The following KCNQ1 variants were observed in gnomAD, a reference collection of about 807,000 sequenced individuals.
KCNQ1 encodes potassium voltage-gated channel subfamily KQT member 1.
KCNQ1 carries 49 observed loss-of-function variants against 72.4 expected under a neutral mutation model. The ratio of observed to expected loss-of-function variants is 0.68; its 90% CI spans 0.54 to 0.86. The LOEUF (loss-of-function observed/expected upper bound fraction) is 0.86, where lower values mean the gene tolerates loss of function less well. Ranked by LOEUF, KCNQ1 falls within the 40% of genes least tolerant of loss-of-function variation. The pLI is 0.00. For missense variants in KCNQ1, 790 were observed against 945.1 expected (o/e 0.84, Z 2.15); for synonymous variants, 450 against 412.6 (o/e 1.09, Z -1.10).
In KCNQ1 at chr11:2,461,434, C is replaced by T. The variant is rs769160378; in HGVS notation, c.386+15950C>T. The T allele has an allele frequency of 6.1e-5, 78 of 1,282,500 alleles. No homozygotes were observed. The South Asian group carries it at 8.9e-4, about 15-fold the overall frequency. 79.4% of individuals were successfully genotyped at this position (1,282,500 alleles called of 1,614,324 possible). A position where few individuals can be genotyped will look rare whatever the true frequency, so the allele number is the denominator to read the frequency against. On this transcript the variant is annotated intron_variant, in intron 1 of 15. Transcript: ENST00000155840. ...GTGAGCCGGCCGGGGCGGGGGTGGC[C>T]CCTCTTCCCTTCCTCCCCTGCAGCT...
chr11:2,839,713 C>CAGAGT (rs1261877937), intron 15 of KCNQ1: 3 of 152,236 alleles, frequency 2.0e-5, no homozygotes, highest in Non-Finnish European at 4.4e-5. Flanking sequence ...GTTGTTTGCT[C>CAGAGT]AGAGTACAAA....
rs765021649 is a variant in KCNQ1, at chr11:2,746,801, G to A, written c.1515-22043G>A. 7.9e-5 allele frequency among the ~76,000 whole-genome samples: 12 copies of A among 152,306 alleles called. No homozygotes were observed. The highest frequency in any genetic ancestry group is 1.5e-4 in the Non-Finnish European group (10 of 68,026). ...CCCTTTGCAGACTGTCCTTGGACCCGCCAGCATTTGGCTCTGGGGCCCTAG... is the reference window on the plus strand; with the variant it reads ...CCCTTTGCAGACTGTCCTTGGACCCACCAGCATTTGGCTCTGGGGCCCTAG... On this transcript the variant is annotated intron_variant, in intron 11 of 15. Transcript: ENST00000155840. This position sits in a 1 kb window ranked among gnomAD's most constrained non-coding sequence, Gnocchi z 5.9.
At chr11:2,556,213 C>A (rs1848068551) in intron 2 of KCNQ1, among the ~76,000 whole-genome samples, 1 of 152,192 alleles carries the variant, frequency 6.6e-6, no homozygotes, top group African/African-American at 2.4e-5. Flanking sequence ...GATAAGAACA[C>A]CAGTTGTATG....
chr11:2,589,232 G>A (rs937937744), intron 10 of KCNQ1, among the ~76,000 whole-genome samples: 15 of 152,186 alleles, frequency 9.9e-5, no homozygotes, highest in Non-Finnish European at 1.9e-4. Flanking sequence ...TGGCAGGGAC[G>A]CCAGAGGGAA....
rs12418076 is a variant in KCNQ1 at position 2,667,870 on chromosome 11, T to C, written c.1514+5789T>C. ...GGTAATGTGCATGCACACAGATTAG[T>C]ACACAGGTCTCAAGTGCGCAGCTTG... is the stretch of plus-strand genomic sequence containing the variant. On this transcript the variant is annotated intron_variant, in intron 11 of 15. Transcript: ENST00000155840. 0.081 allele frequency: 32,390 copies of C among 398,562 alleles called. 1,530 individuals carry two copies. The highest frequency in any genetic ancestry group is 0.12 in the Middle Eastern group (195 of 1,586). The allele number at this position is 398,562 out of a possible 1,614,324, so 24.7% of individuals were successfully genotyped here. A position where few individuals can be genotyped will look rare whatever the true frequency, so the allele number is the denominator to read the frequency against.
chr11:2,632,972 A>T (rs1477496747), intron 10 of KCNQ1: 1 of 398,366 alleles, frequency 2.5e-6, no homozygotes, highest in Non-Finnish European at 4.4e-6. Flanking sequence ...GTCTACTTTT[A>T]GTTTTTTTGA....
chr11:2,456,960 A>C (rs1300314609), intron 1 of KCNQ1, among the ~76,000 whole-genome samples: 18 of 150,640 alleles, frequency 1.2e-4, no homozygotes, highest in Middle Eastern at 3.4e-3. Context: ...AAAAAAAAAA[A>C]AAAAACCCAA....
rs558606947 is a variant in KCNQ1 at position 2,683,625 on chromosome 11, G to A, written c.1514+21544G>A. The A allele has an allele frequency of 2.5e-6, 1 of 398,540 alleles. No homozygotes were observed. The highest frequency in any genetic ancestry group is 3.6e-5 in the East Asian group (1 of 28,080). 24.7% of individuals were successfully genotyped at this position (398,540 alleles called of 1,614,324 possible). On this transcript the variant is annotated intron_variant, in intron 11 of 15. Transcript: ENST00000155840. The surrounding 1 kb of genome is among the most constrained non-coding windows in gnomAD (Gnocchi z 4.7). ...TTTCAAATACTGCTCTAGACAACTG[G>A]GCCCTGCATCTGCTGCAAGGAACAT...
In KCNQ1 at chr11:2,670,033, C is replaced by A. The variant is rs991861403; in HGVS notation, c.1514+7952C>A. 2 of 398,444 alleles carry A rather than the reference C, an allele frequency of 5.0e-6. No homozygotes were observed. The highest frequency in any genetic ancestry group is 4.4e-5 in the Admixed American group (1 of 22,706). The allele number at this position is 398,444 out of a possible 1,614,324, so 24.7% of individuals were successfully genotyped here. On this transcript the variant is annotated intron_variant, in intron 11 of 15. Coordinates refer to ENST00000155840, the MANE Select transcript of KCNQ1 (RefSeq NM_000218.3). The surrounding 1 kb of genome is among the most constrained non-coding windows in gnomAD (Gnocchi z 4.9). ...TGTTGGGGTCCCGTGGAGGTACAGG[C>A]GGAAACCTAGCACTCACTATTCTGC...
chr11:2,845,004 C>G (rs918991957), intron 15 of KCNQ1, among the ~76,000 whole-genome samples: 3 of 152,224 alleles, frequency 2.0e-5, no homozygotes, highest in African/African-American at 7.2e-5. Flanking sequence ...GCTGGCTGCA[C>G]CTTTGATCTG....
Position 2,600,753 on chromosome 11 carries a change from C to T in KCNQ1, c.1393+11899C>T, listed in dbSNP as rs888368682. 3.3e-5 allele frequency among the ~76,000 whole-genome samples: 5 copies of T among 152,154 alleles called. No individual in the cohort carries two copies. The highest frequency in any genetic ancestry group is 6.5e-5 in the Admixed American group (1 of 15,280). ...GTCAGTACTGCCTTTAGATGTGTCT[C>T]TTCAGTCTTGTTTAATCTGGAACAT... On this transcript the variant is annotated intron_variant, in intron 10 of 15. Coordinates refer to ENST00000155840, the MANE Select transcript of KCNQ1 (RefSeq NM_000218.3). The surrounding 1 kb of genome is among the most constrained non-coding windows in gnomAD (Gnocchi z 5.6).
intron 11 of KCNQ1, among the ~76,000 whole-genome samples, chr11:2,700,814 C>G (rs1850795442): frequency 6.6e-6 from 1 of 151,082 alleles, no homozygotes; most frequent in African/African-American, 2.4e-5. Context: ...ACCGCGTCTG[C>G]CGGCCCCTCC....
chr11:2,584,618 T>A (rs776540279), intron 7 of KCNQ1, among the ~76,000 whole-genome samples: 97 of 151,748 alleles, frequency 6.4e-4, no homozygotes, highest in Non-Finnish European at 1.3e-3. Context: ...TGTGGGTTAC[T>A]GTGTGTTAGT....
Position 2,782,299 on chromosome 11 carries a change from C to T in KCNQ1, c.1794+4262C>T, listed in dbSNP as rs987855045. 1.3e-5 allele frequency among the ~76,000 whole-genome samples: 2 copies of T among 152,206 alleles called. No homozygotes were observed. The highest frequency in any genetic ancestry group is 2.1e-4 in the South Asian group (1 of 4,832). ...TCTCCTCACACCCACCAATCCTTCA[C>T]ATTGTATATTATTTCTTAAACACTG... On this transcript the variant is annotated intron_variant, in intron 15 of 15. Transcript: ENST00000155840. The surrounding 1 kb of genome is among the most constrained non-coding windows in gnomAD (Gnocchi z 6.1).
intron 10 of KCNQ1, chr11:2,643,782 T>G: frequency 2.5e-6 from 1 of 398,634 alleles, no homozygotes; most frequent in East Asian, 3.6e-5. Flanking sequence ...GCCAGTGTAG[T>G]GGCAATTAAT....
Position 2,515,171 on chromosome 11 carries a change from C to T in KCNQ1, c.387-12757C>T, listed in dbSNP as rs1469860312. 1.3e-5 allele frequency among the ~76,000 whole-genome samples: 2 copies of T among 152,194 alleles called. No individual in the cohort carries two copies. The highest frequency in any genetic ancestry group is 4.8e-5 in the African/African-American group (2 of 41,432). On this transcript the variant is annotated intron_variant, in intron 1 of 15. Transcript: ENST00000155840. This position sits in a 1 kb window ranked among gnomAD's most constrained non-coding sequence, Gnocchi z 4.7. ...TAGGTAATTTTTCAACCCTCCCCCT[C>T]TCACCCTCTCCACCTCCCCTTTGGA... is the stretch of plus-strand genomic sequence containing the variant.
intron 1 of KCNQ1, among the ~76,000 whole-genome samples, chr11:2,512,290 G>T (rs879558594): frequency 1.1e-4 from 17 of 152,198 alleles, no homozygotes; most frequent in Non-Finnish European, 1.9e-4. Context: ...GCCGCAGGCT[G>T]CCCCTGCCTC....
At chr11:2,756,828 A>G (rs982846886) in intron 11 of KCNQ1, among the ~76,000 whole-genome samples, 9 of 152,068 alleles carry the variant, frequency 5.9e-5, no homozygotes, top group Non-Finnish European at 1.0e-4. Flanking sequence ...ATGACATTTT[A>G]TAAGAAAATT....
At position 2,629,784 on chromosome 11, in the gene KCNQ1, A is replaced by G. The variant is rs939144803; in HGVS notation, c.1394-32177A>G. 1.3e-5 allele frequency: 5 copies of G among 398,422 alleles called. 1 individual carries two copies. The highest frequency in any genetic ancestry group is 8.8e-5 in the Admixed American group (2 of 22,730). The allele number at this position is 398,422 out of a possible 1,614,324, so 24.7% of individuals were successfully genotyped here. A position where few individuals can be genotyped will look rare whatever the true frequency, so the allele number is the denominator to read the frequency against. On this transcript the variant is annotated intron_variant, in intron 10 of 15. Transcript: ENST00000155840. ...CTGAATGCTGATTTTGTATCCTGCC[A>G]CTTTACTGAGTTAGATTATTACTTC...
Sources: allele counts gnomAD v4.1 joint callset (sites outside exome capture counted in the v4.1 genomes callset), GRCh38; gene constraint gnomAD v4.1.1; non-coding constraint Gnocchi (gnomAD v3.1); transcripts MANE v1.5; gene names NCBI Gene and HGNC (gene_info 2026-07-23, HGNC 2026-07-21).